Variants in DTNA observed in about 807,000 individuals in gnomAD.
DTNA encodes the protein dystrophin-related protein 3.
DTNA carries 43 observed loss-of-function variants against 100.7 expected under a neutral mutation model. The ratio of observed to expected loss-of-function variants is 0.43; its 90% CI spans 0.33 to 0.55. DTNA has a LOEUF of 0.55. Among genes scored for constraint, DTNA ranks in the 20% least tolerant of loss-of-function variants. DTNA has a pLI of 0.04. For synonymous variants in DTNA, 349 were observed against 347.9 expected (o/e 1.00, Z -0.04); for missense variants, 798 against 953.9 (o/e 0.84, Z 2.15).
At chr18:34,796,168 C>T (rs2094960032) in intron 4 of DTNA, among the ~76,000 whole-genome samples, 1 of 152,190 alleles carries the variant, frequency 6.6e-6, no homozygotes, top group African/African-American at 2.4e-5. Flanking sequence ...TGTAGAGATC[C>T]TACTCTGCAG....
chr18:34,617,739 A>G (rs2055606164), intron 1 of DTNA, among the ~76,000 whole-genome samples: 1 of 152,174 alleles, frequency 6.6e-6, no homozygotes, highest in Admixed American at 6.5e-5. Flanking sequence ...GTCAGCTGTG[A>G]CAATAAAGTA....
At chr18:34,665,158 G>A (rs965751205) in intron 1 of DTNA, among the ~76,000 whole-genome samples, 4 of 151,926 alleles carry the variant, frequency 2.6e-5, no homozygotes, top group Non-Finnish European at 4.4e-5. Context: ...AGAATTAGAT[G>A]CTTCTGTCTT....
intron 1 of DTNA, among the ~76,000 whole-genome samples, chr18:34,735,035 TAATAG>T (rs1197543336): frequency 6.6e-6 from 1 of 152,070 alleles, no homozygotes; most frequent in Non-Finnish European, 1.5e-5. Flanking sequence ...AGGACAGAAC[TAATAG>T]AACATATATA....
intron 11 of DTNA, among the ~76,000 whole-genome samples, chr18:34,834,199 A>C (rs1408483603): frequency 2.0e-5 from 3 of 152,092 alleles, no homozygotes; most frequent in Non-Finnish European, 4.4e-5. Flanking sequence ...GTAACTGATA[A>C]AGAAAAGAGG....
intron 14 of DTNA, among the ~76,000 whole-genome samples, chr18:34,851,308 G>C (rs2096474180): frequency 6.6e-6 from 1 of 152,072 alleles, no homozygotes; most frequent in African/African-American, 2.4e-5. Context: ...CCCCATGTTG[G>C]CCAGACTGGT....
At chr18:34,743,394 ATGTTGTTTTCTAAGTTGTTTCTAAATAT>A (rs2091052592) in intron 1 of DTNA, among the ~76,000 whole-genome samples, 1 of 152,054 alleles carries the variant, frequency 6.6e-6, no homozygotes. Flanking sequence ...AGTCCCTACA[ATGTTGTTTTCTAAGTTGTTTCTAAATAT>A]TGTTGTTTTC....
At chr18:34,885,559 A>C (rs897202356) in intron 22 of DTNA, among the ~76,000 whole-genome samples, 13 of 152,196 alleles carry the variant, frequency 8.5e-5, no homozygotes, top group Non-Finnish European at 1.6e-4. Flanking sequence ...ACTTTGGGCA[A>C]ATTATTAAAC....
chr18:34,792,244 T>G (rs567663742), intron 3 of DTNA, among the ~76,000 whole-genome samples: 4 of 152,308 alleles, frequency 2.6e-5, no homozygotes, highest in South Asian at 4.1e-4. Flanking sequence ...GATTGCTCTC[T>G]CTCTCTTAGG....
chr18:34,561,485 T>G (rs1046685363), intron 1 of DTNA, among the ~76,000 whole-genome samples: 1 of 152,196 alleles, frequency 6.6e-6, no homozygotes, highest in Non-Finnish European at 1.5e-5. Flanking sequence ...ATTTGATATT[T>G]GCTGCCTTCT....
rs1054899777 is a variant in DTNA at position 34,889,580 on chromosome 18, A to C, written c.*1846A>C. 1 of 985,300 alleles carries C rather than the reference A, an allele frequency of 1.0e-6. No homozygotes were observed. Among genetic ancestry groups the C allele is most frequent in the African/African-American group, 1.7e-5 (1 of 57,224 alleles). 61.0% of individuals were successfully genotyped at this position (985,300 alleles called of 1,614,324 possible). ...GGTAGGTGCCCAGCCAAGTCCTGAC[A>C]TCTTCATGCCCCCTCTGCAGAGGGC... is the stretch of plus-strand genomic sequence containing the variant. On this transcript the variant is annotated 3_prime_UTR_variant, in exon 23 of 23. Transcript: ENST00000444659.
At chr18:34,753,886 T>A (rs1453403770) in intron 1 of DTNA, among the ~76,000 whole-genome samples, 2 of 152,256 alleles carry the variant, frequency 1.3e-5, no homozygotes, top group Non-Finnish European at 1.5e-5. Flanking sequence ...TGAGGTTATA[T>A]GAATTAGGAA....
rs778078656 is a variant in DTNA, at chr18:34,875,222, C to G, written c.1744-17C>G. On this transcript the variant is annotated splice_polypyrimidine_tract_variant and intron_variant, in intron 17 of 22. Coordinates refer to ENST00000444659, the MANE Select transcript of DTNA (RefSeq NM_001386795.1). ...TTTCTTGGGAAAGCAAATTAATGACCTGCATTGTCTCTCCAGACTCAGGGG... is the reference window on the plus strand; with the variant it reads ...TTTCTTGGGAAAGCAAATTAATGACGTGCATTGTCTCTCCAGACTCAGGGG... 1.2e-6 allele frequency: 2 copies of G among 1,612,490 alleles called. No individual in the cohort carries two copies. Among genetic ancestry groups the G allele is most frequent in the Admixed American group, 3.3e-5 (2 of 59,988 alleles).
intron 5 of DTNA, 67 bp from the exon 6 acceptor site, chr18:34,811,892 T>C: frequency 6.3e-7 from 1 of 1,588,364 alleles, no homozygotes; most frequent in Non-Finnish European, 8.6e-7. Context: ...TTGTAGCAGA[T>C]ATATTGAACA....
At chr18:34,850,533 T>G (rs1029755016) in intron 14 of DTNA, among the ~76,000 whole-genome samples, 5 of 152,196 alleles carry the variant, frequency 3.3e-5, no homozygotes, top group East Asian at 3.8e-4. Flanking sequence ...TTTACAAAAC[T>G]TAATCTTTCC....
At chr18:34,511,373 G>A (rs2041074844) in intron 1 of DTNA, among the ~76,000 whole-genome samples, 1 of 152,008 alleles carries the variant, frequency 6.6e-6, no homozygotes. Flanking sequence ...CTAATTTCTA[G>A]ATGAGAAAAA....
At chr18:34,751,959 C>T (rs1008443659) in intron 1 of DTNA, among the ~76,000 whole-genome samples, 1 of 152,124 alleles carries the variant, frequency 6.6e-6, no homozygotes, top group Admixed American at 6.5e-5. Flanking sequence ...TTCTTATAAG[C>T]GAAAACAACA....
intron 3 of DTNA, among the ~76,000 whole-genome samples, chr18:34,771,193 TC>T (rs1279902846): frequency 6.6e-6 from 1 of 152,084 alleles, no homozygotes; most frequent in Admixed American, 6.6e-5. Context: ...TGTTGACCAA[TC>T]CCTGCTATAA....
intron 1 of DTNA, among the ~76,000 whole-genome samples, chr18:34,518,784 G>A (rs926153613): frequency 4.0e-5 from 6 of 149,562 alleles, no homozygotes; most frequent in South Asian, 2.1e-4. Context: ...TAGTAAAGAC[G>A]GGAACATTAA....
intron 1 of DTNA, among the ~76,000 whole-genome samples, chr18:34,529,292 GATTC>G (rs2042928163): frequency 6.6e-6 from 1 of 151,914 alleles, no homozygotes; most frequent in South Asian, 2.1e-4. Context: ...TAGAATAATT[GATTC>G]ATTCATTATG....
Sources: allele counts gnomAD v4.1 joint callset (sites outside exome capture counted in the v4.1 genomes callset), GRCh38; gene constraint gnomAD v4.1.1; transcripts MANE v1.5; gene names NCBI Gene and HGNC (gene_info 2026-07-23, HGNC 2026-07-21).